The following IL6ST variants were observed in gnomAD, a reference collection of about 807,000 sequenced individuals.
The protein encoded by IL6ST is interleukin 6 cytokine family signal transducer, also known as interleukin-6 receptor subunit beta.
Under a neutral mutation model 91.3 loss-of-function variants are expected in IL6ST, and 24 were observed. That is an observed-to-expected ratio of 0.26 (90% CI 0.19 to 0.37). The LOEUF (loss-of-function observed/expected upper bound fraction) is 0.37, where lower values mean the gene tolerates loss of function less well. Among genes scored for constraint, IL6ST ranks in the 10% least tolerant of loss-of-function variants. IL6ST has a pLI of 1.00. For synonymous variants in IL6ST, 351 were observed against 373.6 expected, an observed-to-expected ratio of 0.94 and a Z score of 0.70; for missense variants, 914 against 1,078.5, an observed-to-expected ratio of 0.85 and a Z score of 2.14.
Position 55,962,450 on chromosome 5 carries a change from A to G in IL6ST, c.813+902T>C, listed in dbSNP as rs1312769263. Among the ~76,000 whole-genome samples the G allele has an allele frequency of 1.4e-4, 22 of 152,192 alleles. 1 individual carries two copies. The highest frequency in any genetic ancestry group is 1.4e-3 in the Admixed American group (22 of 15,284). On this transcript the variant is annotated intron_variant, in intron 7 of 16. Transcript: ENST00000381298. ...AGCTCCAAGTATTTCTTTTGCTGGT[A>G]GCATCATCTTTGGGTATACTATCAT...
intron 1 of IL6ST, among the ~76,000 whole-genome samples, chr5:55,991,701 C>T (rs981118035): frequency 6.6e-6 from 1 of 151,568 alleles, no homozygotes; most frequent in Non-Finnish European, 1.5e-5. Context: ...CTTTGATGTG[C>T]CTATCCAATC....
At chr5:55,971,079 C>G (rs1391965621) in intron 3 of IL6ST, among the ~76,000 whole-genome samples, 1 of 152,142 alleles carries the variant, frequency 6.6e-6, no homozygotes, top group East Asian at 1.9e-4. Flanking sequence ...ATATATCTAC[C>G]TGAGATATCC....
intron 3 of IL6ST, among the ~76,000 whole-genome samples, chr5:55,970,751 A>G (rs1476719792): frequency 1.3e-5 from 2 of 152,144 alleles, no homozygotes; most frequent in Non-Finnish European, 2.9e-5. Flanking sequence ...TACTAAAAAT[A>G]CAAAAATTAG....
chr5:55,961,613 C>G (rs1411569765), intron 7 of IL6ST, among the ~76,000 whole-genome samples: 3 of 152,084 alleles, frequency 2.0e-5, no homozygotes, highest in African/African-American at 7.2e-5. Flanking sequence ...CAAAAATTAG[C>G]TGGGCATGGT....
At chr5:55,962,528 A>G (rs1752381535) in intron 7 of IL6ST, among the ~76,000 whole-genome samples, 1 of 152,180 alleles carries the variant, frequency 6.6e-6, no homozygotes, top group Admixed American at 6.5e-5. Context: ...AGTGGTTGGC[A>G]AACTTTCTAT....
Position 55,988,961 on chromosome 5 carries a change from A to T in IL6ST, c.-104+5823T>A, listed in dbSNP as rs181386247. Among the ~76,000 whole-genome samples, 883 of 151,054 alleles carry T rather than the reference A, an allele frequency of 5.8e-3. 5 individuals carry two copies. Among genetic ancestry groups the T allele is most frequent in the African/African-American group, 0.014 (584 of 40,954 alleles). ...CCCCATCTCTATAAAAAATAAAAAA[A>T]AAATAAAAAAAAAAATCAGCCGGGC... On this transcript the variant is annotated intron_variant, in intron 1 of 16. Transcript: ENST00000381298.
Position 55,940,029 on chromosome 5 carries a change from T to TA in IL6ST, c.*1052dup, listed in dbSNP as rs57519121. 41,047 of 197,102 alleles carry TA rather than the reference T, an allele frequency of 0.21. 5,071 individuals are homozygous for TA. Among genetic ancestry groups the TA allele is most frequent in the South Asian group, 0.27 (1,422 of 5,180 alleles). 12.2% of individuals were successfully genotyped at this position (197,102 alleles called of 1,614,324 possible). Reference sequence around the variant, plus strand: ...AAATCTTTGCCTACTTATTTAAAAATAAAAAAAATACTCAAAACAAATTTA... The same window carrying TA: ...AAATCTTTGCCTACTTATTTAAAAATAAAAAAAAATACTCAAAACAAATTTA... On this transcript the variant is annotated 3_prime_UTR_variant, in exon 17 of 17. Coordinates refer to ENST00000381298, the MANE Select transcript of IL6ST (RefSeq NM_002184.4).
chr5:55,994,571 G>A (rs1268601889), intron 1 of IL6ST, among the ~76,000 whole-genome samples: 9 of 152,046 alleles, frequency 5.9e-5, no homozygotes, highest in Non-Finnish European at 1.2e-4. Context: ...TGTACTCAGG[G>A]CTGCGATAAT....
At chr5:55,987,483 C>G (rs1325840129) in intron 1 of IL6ST, among the ~76,000 whole-genome samples, 1 of 152,138 alleles carries the variant, frequency 6.6e-6, no homozygotes, top group Non-Finnish European at 1.5e-5. Context: ...TCATCTAAAA[C>G]TTAAAAATAA....
chr5:55,969,663 G>A lies in IL6ST; in HGVS notation c.257C>T (p.Ala86Val). The A allele has an allele frequency of 1.2e-6, 2 of 1,611,722 alleles. No homozygotes were observed. Among genetic ancestry groups the A allele is most frequent in the Non-Finnish European group, 1.7e-6 (2 of 1,177,940 alleles). The stretch of plus-strand genomic sequence containing the variant: ...TATATCTGTAAAGGTGACACTGGAT[G>A]CTGTTCTGTTTATGATAGTATATTG... ...KEQYTIINRT[A>V]SSVTFTDIAS... The change falls in exon 4 of 17, where the codon GCA (alanine) becomes GTA (valine). Residue 86 changes from alanine (A) to valine (V), a missense_variant. Ala to Val is a moderately conservative substitution (Grantham distance 64, BLOSUM62 0). Transcript: ENST00000381298.
intron 1 of IL6ST, among the ~76,000 whole-genome samples, chr5:55,990,588 A>G (rs1754264797): frequency 1.3e-5 from 2 of 152,230 alleles, no homozygotes; most frequent in Non-Finnish European, 2.9e-5. Flanking sequence ...TTCAAACAAA[A>G]TAATTTCAAG....
chr5:55,985,357 T>C (rs181158281), intron 1 of IL6ST, among the ~76,000 whole-genome samples: 146 of 151,754 alleles, frequency 9.6e-4, no homozygotes, highest in Middle Eastern at 3.4e-3. Flanking sequence ...TCTACTAAAA[T>C]ATTTTAAAAA....
At position 55,959,032 on chromosome 5, in the gene IL6ST, A is replaced by T. The variant is rs538848548; in HGVS notation, c.973+1370T>A. Among the ~76,000 whole-genome samples, 13 of 151,650 alleles carry T rather than the reference A, an allele frequency of 8.6e-5. 1 individual carries two copies. The highest frequency in any genetic ancestry group is 5.8e-4 in the East Asian group (3 of 5,166). ...ACAGAATAAAGAACATGAAATTATTAAAAAAAAATTATGAGCTGGAAATAT... is the reference window on the plus strand; with the variant it reads ...ACAGAATAAAGAACATGAAATTATTTAAAAAAAATTATGAGCTGGAAATAT... On this transcript the variant is annotated intron_variant, in intron 8 of 16. Coordinates refer to ENST00000381298, the MANE Select transcript of IL6ST (RefSeq NM_002184.4).
At chr5:55,972,270 T>C (rs1214299722) in intron 3 of IL6ST, among the ~76,000 whole-genome samples, 1 of 152,192 alleles carries the variant, frequency 6.6e-6, no homozygotes, top group Admixed American at 6.5e-5. Flanking sequence ...CCCAGCACTT[T>C]GGGAGGCCGA....
intron 14 of IL6ST, among the ~76,000 whole-genome samples, chr5:55,949,659 C>T (rs1386195563): frequency 2.0e-5 from 3 of 152,000 alleles, no homozygotes; most frequent in South Asian, 2.1e-4. Context: ...AAATAACATA[C>T]CTATTAACAT....
chr5:55,993,907 G>A (rs929682357), intron 1 of IL6ST, among the ~76,000 whole-genome samples: 5 of 152,132 alleles, frequency 3.3e-5, no homozygotes, highest in Admixed American at 2.6e-4. Flanking sequence ...AGTTTAAAGG[G>A]TTTGTTTACA....
intron 9 of IL6ST, among the ~76,000 whole-genome samples, chr5:55,956,734 A>G (rs1327678470): frequency 6.6e-6 from 1 of 152,204 alleles, no homozygotes; most frequent in Non-Finnish European, 1.5e-5. Context: ...TATGAACCTG[A>G]CTTCTATATA....
intron 14 of IL6ST, among the ~76,000 whole-genome samples, chr5:55,949,671 C>T (rs749128021): frequency 2.6e-5 from 4 of 152,064 alleles, no homozygotes; most frequent in Non-Finnish European, 5.9e-5. Flanking sequence ...TATTAACATA[C>T]CACCACATGG....
At chr5:55,964,378 T>C in intron 5 of IL6ST, 66 bp from the exon 6 acceptor site, 1 of 1,190,930 alleles carries the variant, frequency 8.4e-7, no homozygotes, top group South Asian at 1.4e-5. Flanking sequence ...GTGAAAAAAA[T>C]TACTTGCAAA....
Sources: gnomAD v4.1 joint callset for allele counts (sites outside exome capture counted in the v4.1 genomes callset) on GRCh38, gnomAD v4.1.1 for gene constraint, MANE v1.5 for transcripts, NCBI Gene and HGNC (gene_info 2026-07-23, HGNC 2026-07-21) for gene names.